Variants in PCDHGB3 observed in about 807,000 individuals in gnomAD.
The protein encoded by PCDHGB3 is protocadherin gamma subfamily B, 3.
A neutral mutation model predicts 59.2 loss-of-function variants in PCDHGB3; 40 were observed. The observed-to-expected ratio is 0.68, with a 90% CI of 0.52 to 0.88. The LOEUF (loss-of-function observed/expected upper bound fraction) is 0.88. Ranked by LOEUF, PCDHGB3 falls within the 40% of genes least tolerant of loss-of-function variation. PCDHGB3 has a pLI of 0.00. For missense variants in PCDHGB3, 1,309 were observed against 1,187.9 expected (o/e 1.10, Z -1.50); for synonymous variants, 581 against 503.6 (o/e 1.15, Z -2.06).
intron 1 of PCDHGB3, chr5:141,427,677 C>T: frequency 1.2e-6 from 1 of 816,672 alleles, no homozygotes; most frequent in Non-Finnish European, 2.1e-6. Flanking sequence ...AAACAACCTT[C>T]CCGGAGCCTC....
At chr5:141,420,386 AT>A (rs2096493306) in intron 1 of PCDHGB3, 1 of 1,284,798 alleles carries the variant, frequency 7.8e-7, no homozygotes, top group African/African-American at 1.5e-5. Flanking sequence ...AGTTCGCAAA[AT>A]ATAGGTCAAA....
At chr5:141,460,991 A>G (rs889917939) in intron 1 of PCDHGB3, among the ~76,000 whole-genome samples, 39 of 141,522 alleles carry the variant, frequency 2.8e-4, no homozygotes, top group East Asian at 1.0e-3. Flanking sequence ...GTGTATATAT[A>G]TATATGTGTA....
chr5:141,417,792 T>C, intron 1 of PCDHGB3: 1 of 1,483,216 alleles, frequency 6.7e-7, no homozygotes, highest in South Asian at 1.4e-5. Flanking sequence ...CCGAATGCTC[T>C]TTTAGCGCGG....
intron 1 of PCDHGB3, chr5:141,395,547 TGTGTGTGTGTGTGTGTGTGTGTGTGTG>T: frequency 5.8e-6 from 1 of 173,894 alleles, no homozygotes; most frequent in Non-Finnish European, 1.2e-5. Flanking sequence ...ATTGTTTGTG[TGTGTGTGTGTGTGTGTGTGTGTGTGTG>T]TGTGTGTGTG....
intron 1 of PCDHGB3, chr5:141,412,947 C>A (rs930035804): frequency 2.1e-6 from 1 of 474,890 alleles, no homozygotes; most frequent in African/African-American, 2.0e-5. Flanking sequence ...CTCTGAGCGC[C>A]GCTGTTCACC....
chr5:141,435,073 G>A (rs535689336), intron 1 of PCDHGB3, among the ~76,000 whole-genome samples: 150 of 151,756 alleles, frequency 9.9e-4, no homozygotes, highest in Middle Eastern at 3.4e-3. Flanking sequence ...TGTGTAGACC[G>A]TCTGATAACA....
In PCDHGB3 at chr5:141,477,794, C is replaced by A. The variant is rs148942362; in HGVS notation, c.2416-17013C>A. On this transcript the variant is annotated intron_variant, in intron 1 of 3. Coordinates refer to ENST00000576222, the MANE Select transcript of PCDHGB3 (RefSeq NM_018924.5). This position sits in a 1 kb window ranked among gnomAD's most constrained non-coding sequence, Gnocchi z 4.9. ...CAGCGTGAACATATTTGTCACTGAT[C>A]GCAATGACAATGCCCCCCAGGTCCT... The A allele has an allele frequency of 5.6e-6, 9 of 1,614,086 alleles. No individual in the cohort carries two copies. Among genetic ancestry groups the A allele is most frequent in the Non-Finnish European group, 7.6e-6 (9 of 1,180,030 alleles).
chr5:141,424,319 G>A (rs1014361496), intron 1 of PCDHGB3: 1 of 152,006 alleles, frequency 6.6e-6, no homozygotes, highest in African/African-American at 2.4e-5. Context: ...ATATTGACTG[G>A]CTTTTAACTA....
chr5:141,457,336 C>T (rs1032184011), intron 1 of PCDHGB3, among the ~76,000 whole-genome samples: 6 of 152,158 alleles, frequency 3.9e-5, no homozygotes, highest in Admixed American at 3.3e-4. Context: ...AGGTACCTTA[C>T]TTACTTTCAT....
intron 1 of PCDHGB3, chr5:141,428,516 G>A (rs763205471): frequency 3.6e-6 from 1 of 281,256 alleles, no homozygotes; most frequent in Non-Finnish European, 7.0e-6. Context: ...TCTAGAAAAA[G>A]AAGATTTAAT....
chr5:141,371,233 C>T lies in PCDHGB3; in HGVS notation c.839C>T (p.Ala280Val), dbSNP rs773899616. 4 of 1,613,864 alleles carry T rather than the reference C, an allele frequency of 2.5e-6. No individual in the cohort carries two copies. The Admixed American group carries it at 5.0e-5, about 20-fold the overall frequency. ...GGCATCAATGCCGAAATCATCTATG[C>T]CTTCATCAATATTGGCAAGGAAGTG... ...DEGINAEIIYAFINIGKEVRQ... is the reference protein window; with the variant it reads ...DEGINAEIIYVFINIGKEVRQ... The change falls in exon 1 of 4, where the codon GCC becomes GTC. Residue 280 changes from alanine (A) to valine (V), a missense_variant. By Grantham distance (64) the Ala-to-Val change is moderately conservative. Transcript: ENST00000576222.
At chr5:141,385,186 T>C in intron 1 of PCDHGB3, 1 of 1,614,218 alleles carries the variant, frequency 6.2e-7, no homozygotes. Context: ...CACCGCGGAC[T>C]CTCGGAAGAG....
At chr5:141,421,972 C>T (rs764728654) in intron 1 of PCDHGB3, 2 of 1,609,892 alleles carry the variant, frequency 1.2e-6, no homozygotes, top group African/African-American at 2.7e-5. Context: ...GTCCGTATAT[C>T]GCGTGAGTGT....
chr5:141,374,125 C>A, intron 1 of PCDHGB3: 1 of 1,602,448 alleles, frequency 6.2e-7, no homozygotes, highest in East Asian at 2.2e-5. Flanking sequence ...GCGAGCAGGT[C>A]CTGCTCCTCA....
At chr5:141,408,002 T>A in intron 1 of PCDHGB3, 1 of 908,258 alleles carries the variant, frequency 1.1e-6, no homozygotes, top group Non-Finnish European at 1.6e-6. Flanking sequence ...GGCCTGGGAT[T>A]CCCTGCGCAG....
chr5:141,502,601 A>G (rs2099815205), intron 2 of PCDHGB3, among the ~76,000 whole-genome samples: 1 of 152,218 alleles, frequency 6.6e-6, no homozygotes, highest in Non-Finnish European at 1.5e-5. Flanking sequence ...ATATTTTAAA[A>G]TATTTGTGAA....
intron 1 of PCDHGB3, among the ~76,000 whole-genome samples, chr5:141,382,474 A>G (rs1436988724): frequency 6.6e-6 from 1 of 152,244 alleles, no homozygotes; most frequent in East Asian, 1.9e-4. Context: ...AAAATTATCT[A>G]AGATTATCAA....
rs1768496951 is a variant in PCDHGB3, at chr5:141,372,209, C to T, written c.1815C>T (p.Ser605=). 1.2e-6 allele frequency: 2 copies of T among 1,613,638 alleles called. No individual in the cohort carries two copies. Among genetic ancestry groups the T allele is most frequent in the Non-Finnish European group, 1.7e-6 (2 of 1,179,910 alleles). ...ACTCGGGATACAACGCCTGGCTGTC[C>T]TACCACATTGTGCAGGCCAGCGAGC... ...DADSGYNAWL[S]YHIVQASEPG... Residue 605 remains serine, a synonymous_variant, in exon 1 of 4, where the codon TCC becomes TCT. Transcript: ENST00000576222.
chr5:141,412,554 C>T (rs2095562022), intron 1 of PCDHGB3: 1 of 152,094 alleles, frequency 6.6e-6, no homozygotes, highest in Non-Finnish European at 1.5e-5. Context: ...TGAATTATCT[C>T]ATGAGTTTAT....
Sources: gnomAD v4.1 joint callset for allele counts (sites outside exome capture counted in the v4.1 genomes callset) on GRCh38, gnomAD v4.1.1 for gene constraint, Gnocchi (gnomAD v3.1) non-coding constraint, MANE v1.5 for transcripts, NCBI Gene and HGNC (gene_info 2026-07-23, HGNC 2026-07-21) for gene names.